GRIN2C: variants seen among roughly 807,000 people sequenced by gnomAD.
The protein encoded by GRIN2C is glutamate receptor ionotropic, NMDA 2C.
In GRIN2C, 64 loss-of-function variants were observed where a neutral mutation model predicts 77.7. The observed-to-expected ratio is 0.82, with a 90% CI of 0.67 to 1.01. The LOEUF (loss-of-function observed/expected upper bound fraction) is 1.01. Ranked by LOEUF, GRIN2C falls within the 50% of genes least tolerant of loss-of-function variation. The pLI is 0.00. For missense variants in GRIN2C, 1,549 were observed against 1,486.0 expected (o/e 1.04, Z -0.70); for synonymous variants, 792 against 643.4 (o/e 1.23, Z -3.49).
At chr17:74,843,672 A>C in intron 12 of GRIN2C, 119 bp from the exon 13 acceptor site, 1 of 1,316,694 alleles carries the variant, frequency 7.6e-7, no homozygotes, top group South Asian at 1.4e-5. Context: ...GAAGTAGCTA[A>C]CTGTGAAGCA....
At chr17:74,851,052 T>C in intron 4 of GRIN2C, 1 of 510,682 alleles carries the variant, frequency 2.0e-6, no homozygotes, top group Non-Finnish European at 3.5e-6. Context: ...CTCAAGGCCC[T>C]TCATGCTCCA....
chr17:74,860,642 G>A (rs953572583), upstream of GRIN2C: 3 of 385,416 alleles, frequency 7.8e-6, no homozygotes, highest in South Asian at 3.7e-5. Flanking sequence ...AGGGCCCAGC[G>A]CCAGGTCTTG....
At position 74,844,409 on chromosome 17, in the gene GRIN2C, C is replaced by G; in HGVS notation, c.2450G>C (p.Gly817Ala). The change falls in exon 12 of 13, where the codon GGC becomes GCC. Residue 817 changes from glycine (G) to alanine (A), a missense_variant. Physicochemically the swap from Gly to Ala is moderately conservative, Grantham distance 60. Transcript: ENST00000293190. ...SSKLDIDNMA[G>A]VFYMLLVAMG... is the part of the protein sequence containing the mutation. ...GGCCACCAGCAGCATGTAGAAGACG[C>G]CTGCCATGTTGTCGATGTCCAGCTT... The G allele has an allele frequency of 6.2e-7, 1 of 1,614,204 alleles. No homozygotes were observed. The highest frequency in any genetic ancestry group is 8.5e-7 in the Non-Finnish European group (1 of 1,180,042).
rs772331094 is a variant in GRIN2C, at chr17:74,846,195, C to T, written c.2221G>A (p.Glu741Lys). ...CCAATGGTGACCAGCTTGCAGCCCTCGTCCTTGCCTGCCATGTAGTTGAGG... is the reference window on the plus strand; with the variant it reads ...CCAATGGTGACCAGCTTGCAGCCCTTGTCCTTGCCTGCCATGTAGTTGAGG... ...AVLNYMAGKDEGCKLVTIGSG... is the reference protein window; with the variant it reads ...AVLNYMAGKDKGCKLVTIGSG... The change falls in exon 11 of 13, where the codon GAG becomes AAG. Residue 741 changes from glutamate (E) to lysine (K), a missense_variant. By Grantham distance (56) the Glu-to-Lys change is moderately conservative. Coordinates refer to ENST00000293190, the MANE Select transcript of GRIN2C (RefSeq NM_000835.6). This position sits in a 1 kb window ranked among gnomAD's most constrained non-coding sequence, Gnocchi z 4.4. 30 of 1,614,058 alleles carry T rather than the reference C, an allele frequency of 1.9e-5. No homozygotes were observed. Among genetic ancestry groups the T allele is most frequent in the East Asian group, 2.2e-5 (1 of 44,892 alleles).
chr17:74,860,505 C>A, upstream of GRIN2C: 1 of 456,568 alleles, frequency 2.2e-6, no homozygotes, highest in Non-Finnish European at 4.4e-6. Flanking sequence ...TGCCGGGTGC[C>A]TTTGCTCCGC....
rs921390824 is a variant in GRIN2C at position 74,852,297 on chromosome 17, G to A, written c.714C>T (p.Ala238=). 40 of 1,428,376 alleles carry A rather than the reference G, an allele frequency of 2.8e-5. 1 individual carries two copies. The Admixed American group carries it at 1.1e-3, about 39-fold the overall frequency. 88.5% of individuals were successfully genotyped at this position (1,428,376 alleles called of 1,614,324 possible). The change falls in exon 3 of 13, where the codon GCC becomes GCT. Residue 238 remains alanine, a synonymous_variant. Transcript: ENST00000293190. ...CCACCAGACCGGCCTGCGCCGCCTC[G>A]GCGAAGAGCACCTCGGCCTCCTCGC... ...CSREEAEVLF[A]EAAQAGLVGP... is the part of the protein sequence containing the mutation.
upstream of GRIN2C, chr17:74,860,365 T>A: frequency 2.2e-6 from 1 of 454,188 alleles, no homozygotes; most frequent in Middle Eastern, 3.3e-4. Context: ...GAGCCAGAAG[T>A]CCCCTTGGAC....
chr17:74,856,628 A>G (rs1475631143), intron 1 of GRIN2C, among the ~76,000 whole-genome samples: 2 of 151,428 alleles, frequency 1.3e-5, no homozygotes, highest in Non-Finnish European at 2.9e-5. Context: ...ACAGGCGCCC[A>G]CCACCATGCC....
chr17:74,844,429 C>T lies in GRIN2C; in HGVS notation c.2430G>A (p.Leu810=). The change falls in exon 12 of 13, where the codon CTG becomes CTA. Residue 810 remains leucine (L), a synonymous_variant. Transcript: ENST00000293190. ...NEKNEVMSSK[L]DIDNMAGVFY... is the part of the protein sequence containing the mutation. Reference sequence around the variant, plus strand: ...AGACGCCTGCCATGTTGTCGATGTCCAGCTTGCTGCTCATCACCTCGTTCT... The same window carrying T: ...AGACGCCTGCCATGTTGTCGATGTCTAGCTTGCTGCTCATCACCTCGTTCT... 1 of 1,614,248 alleles carries T rather than the reference C, an allele frequency of 6.2e-7. No homozygotes were observed. The highest frequency in any genetic ancestry group is 8.5e-7 in the Non-Finnish European group (1 of 1,180,050).
In GRIN2C at chr17:74,854,737, A is replaced by T; in HGVS notation, c.356T>A (p.Ile119Asn). 6.2e-7 allele frequency: 1 copy of T among 1,611,422 alleles called. No homozygotes were observed. The highest frequency in any genetic ancestry group is 8.5e-7 in the Non-Finnish European group (1 of 1,177,842). The change falls in exon 2 of 13, where the codon ATC becomes AAC. Residue 119 changes from isoleucine (I) to asparagine (N), a missense_variant. By Grantham distance (149) the Ile-to-Asn change is moderately radical. Transcript: ENST00000293190. Reference sequence around the variant, plus strand: ...AGCAGAGCCTCCGCTGATGCTGAGGATGGGCACATGGGTCTGGGAGGAGAT... The same window carrying T: ...AGCAGAGCCTCCGCTGATGCTGAGGTTGGGCACATGGGTCTGGGAGGAGAT... ...DFISSQTHVP[I>N]LSISGGSAVV...
rs745371117 is a variant in GRIN2C at position 74,850,263 on chromosome 17, C to T, written c.1434G>A (p.Val478=). Residue 478 remains valine (V), a synonymous_variant, in exon 6 of 13, where the codon GTG becomes GTA. Coordinates refer to ENST00000293190, the MANE Select transcript of GRIN2C (RefSeq NM_000835.6). The surrounding 1 kb of genome is among the most constrained non-coding windows in gnomAD (Gnocchi z 5.3). ...CCCGCTTGCCATGCTTGCCGTTGGT[C>T]ACCAGGTACAGGTCGTAGGAGAATT... is the stretch of plus-strand genomic sequence containing the variant. ...VVKFSYDLYL[V]TNGKHGKRVR... 31 of 1,613,886 alleles carry T rather than the reference C, an allele frequency of 1.9e-5. No individual in the cohort carries two copies. The South Asian group carries it at 2.5e-4, about 13-fold the overall frequency.
chr17:74,857,170 T>G (rs2037841143), intron 1 of GRIN2C, among the ~76,000 whole-genome samples: 1 of 152,176 alleles, frequency 6.6e-6, no homozygotes, highest in Non-Finnish European at 1.5e-5. Flanking sequence ...CTTCTCTCCC[T>G]ACTTCCCTCA....
At chr17:74,848,063 C>T (rs1327935261) in intron 7 of GRIN2C, 86 bp from the exon 8 acceptor site, 22 of 1,493,110 alleles carry the variant, frequency 1.5e-5, no homozygotes, top group Non-Finnish European at 2.0e-5. Context: ...GGTAGGTCCA[C>T]GTGATCAAAG....
chr17:74,856,163 G>A (rs2037813278), intron 1 of GRIN2C, among the ~76,000 whole-genome samples: 1 of 152,126 alleles, frequency 6.6e-6, no homozygotes, highest in Admixed American at 6.5e-5. Context: ...TGGTGCCCAC[G>A]GATGTCACTC....
chr17:74,852,105 G>A lies in GRIN2C; in HGVS notation c.906C>T (p.Ser302=). The A allele has an allele frequency of 6.8e-7, 1 of 1,464,950 alleles. No homozygotes were observed. Among genetic ancestry groups the A allele is most frequent in the Non-Finnish European group, 9.0e-7 (1 of 1,107,186 alleles). The allele number at this position is 1,464,950 out of a possible 1,614,324, so 90.7% of individuals were successfully genotyped here. Residue 302 remains serine, a synonymous_variant, in exon 3 of 13, where the codon AGC becomes AGT. Transcript: ENST00000293190. ...GCAGGGTTCCATGCTGGCGCCAGTA[G>A]CTGTGGGCGCCCAGGGCCAGAATGG... ...GVAILALGAH[S]YWRQHGTLPA...
chr17:74,847,638 C>T lies in GRIN2C; in HGVS notation c.1772-101G>A. On this transcript the variant is annotated intron_variant, in intron 8 of 12. Coordinates refer to ENST00000293190, the MANE Select transcript of GRIN2C (RefSeq NM_000835.6). This position sits in a 1 kb window ranked among gnomAD's most constrained non-coding sequence, Gnocchi z 5.2. ...CTGCACAGCTCCGGTCTCAGCCTGG[C>T]CTTGGGGGGGACGCGTCCTGGCCAT... The T allele has an allele frequency of 2.0e-6, 2 of 984,344 alleles. No individual in the cohort carries two copies. The highest frequency in any genetic ancestry group is 2.8e-5 in the South Asian group (2 of 70,712). The allele number at this position is 984,344 out of a possible 1,614,324, so 61.0% of individuals were successfully genotyped here. A position where few individuals can be genotyped will look rare whatever the true frequency, so the allele number is the denominator to read the frequency against.
intron 2 of GRIN2C, chr17:74,853,360 G>T (rs1454344168): frequency 6.6e-6 from 1 of 152,184 alleles, no homozygotes; most frequent in Non-Finnish European, 1.5e-5. Context: ...CAGAGGAGGG[G>T]CCCAGAGGTT....
Position 74,843,336 on chromosome 17 carries a change from G to T in GRIN2C, c.2801C>A (p.Pro934His). The change falls in exon 13 of 13, where the codon CCC (proline) becomes CAC (histidine). Residue 934 changes from proline (P) to histidine (H), a missense_variant. Transcript: ENST00000293190. ...GGGRRAPPPS[P>H]CPTPRSGPSP... ...GGGGCCAGACCGCGGGGTCGGGCAG[G>T]GGGACGGTGGGGGCGCACGGCGGCC... 6.7e-7 allele frequency: 1 copy of T among 1,500,336 alleles called. No individual in the cohort carries two copies. Among genetic ancestry groups the T allele is most frequent in the Non-Finnish European group, 8.9e-7 (1 of 1,120,210 alleles). 92.9% of individuals were successfully genotyped at this position (1,500,336 alleles called of 1,614,324 possible). A position where few individuals can be genotyped will look rare whatever the true frequency, so the allele number is the denominator to read the frequency against.
rs931409304 is a variant in GRIN2C, at chr17:74,859,239, C to T, written c.-16+505G>A. Among the ~76,000 whole-genome samples, 2 of 152,138 alleles carry T rather than the reference C, an allele frequency of 1.3e-5. No individual in the cohort carries two copies. The highest frequency in any genetic ancestry group is 4.8e-5 in the African/African-American group (2 of 41,438). ...CTAATGTTTGACAAACACAGAGATC[C>T]CCAAAGAGCCCCAGAGAGGATGGCA... On this transcript the variant is annotated intron_variant, in intron 1 of 12. Coordinates refer to ENST00000293190, the MANE Select transcript of GRIN2C (RefSeq NM_000835.6). This position sits in a 1 kb window ranked among gnomAD's most constrained non-coding sequence, Gnocchi z 5.9.
Sources: allele counts gnomAD v4.1 joint callset (sites outside exome capture counted in the v4.1 genomes callset), GRCh38; gene constraint gnomAD v4.1.1; non-coding constraint Gnocchi (gnomAD v3.1); transcripts MANE v1.5; gene names NCBI Gene and HGNC (gene_info 2026-07-23, HGNC 2026-07-21).